ERG: variants seen among roughly 807,000 people sequenced by gnomAD.
ERG encodes the protein ETS transcription factor ERG.
A neutral mutation model predicts 55.3 loss-of-function variants in ERG; 9 were observed. The ratio of observed to expected loss-of-function variants is 0.16; its 90% CI spans 0.10 to 0.28. The LOEUF is 0.28. Among genes scored for constraint, ERG ranks in the 10% least tolerant of loss-of-function variants. ERG has a pLI of 1.00. For missense variants in ERG, 434 were observed against 631.6 expected (o/e 0.69, Z 3.35); for synonymous variants, 223 against 237.3 (o/e 0.94, Z 0.55).
chr21:38,410,916 T>C (rs528028796), intron 3 of ERG, among the ~76,000 whole-genome samples: 1 of 152,310 alleles, frequency 6.6e-6, no homozygotes, highest in South Asian at 2.1e-4. Context: ...CTCTTGGTTA[T>C]GAAAAAAACA....
intron 2 of ERG, among the ~76,000 whole-genome samples, chr21:38,549,941 C>T (rs898364833): frequency 2.0e-5 from 3 of 152,254 alleles, no homozygotes; most frequent in East Asian, 1.9e-4. Flanking sequence ...ATAGGTTACA[C>T]GGAAAAATTC....
intron 1 of ERG, among the ~76,000 whole-genome samples, chr21:38,660,842 T>A (rs1339038635): frequency 2.0e-5 from 3 of 149,934 alleles, no homozygotes; most frequent in African/African-American, 7.4e-5. Flanking sequence ...CGCGCGGGAG[T>A]CTTCGAGTGC....
At chr21:38,555,778 T>A (rs1323291936) in intron 2 of ERG, among the ~76,000 whole-genome samples, 1 of 152,226 alleles carries the variant, frequency 6.6e-6, no homozygotes, top group Non-Finnish European at 1.5e-5. Flanking sequence ...TTGCTATTTG[T>A]ACTGTCAAAT....
chr21:38,391,845 C>G (rs1404084551), intron 7 of ERG, 130 bp from the exon 8 acceptor site: 2 of 655,378 alleles, frequency 3.1e-6, no homozygotes, highest in Non-Finnish European at 4.9e-6. Flanking sequence ...AAGCATCTCA[C>G]GGTAAGGAAA....
chr21:38,576,288 G>A (rs2059994200), intron 1 of ERG, among the ~76,000 whole-genome samples: 1 of 152,108 alleles, frequency 6.6e-6, no homozygotes, highest in Admixed American at 6.5e-5. Context: ...TTCCAACCAC[G>A]ACTCTGAGAG....
At chr21:38,451,505 G>A (rs1270618605) in intron 1 of ERG, among the ~76,000 whole-genome samples, 1 of 152,190 alleles carries the variant, frequency 6.6e-6, no homozygotes, top group African/African-American at 2.4e-5. Context: ...TTATAAATAT[G>A]CTGGAGCCTA....
At chr21:38,403,400 G>A in intron 4 of ERG, 106 bp downstream of exon 4, 3 of 1,100,752 alleles carry the variant, frequency 2.7e-6, no homozygotes. Context: ...TGGGAACTGG[G>A]CGAGGGCAGG....
rs751884402 is a variant in ERG at position 38,445,568 on chromosome 21, T to A, written c.72A>T (p.Gly24=). The A allele has an allele frequency of 3.1e-6, 5 of 1,614,120 alleles. No individual in the cohort carries two copies. The East Asian group carries it at 8.9e-5, about 29-fold the overall frequency. Residue 24 remains glycine (G), a synonymous_variant, in exon 2 of 10, where the codon GGA becomes GGT. Transcript: ENST00000288319. ...EDQSLFECAY[G]TPHLAKTEMT... ...TCTCTGTCTTAGCCAGGTGTGGCGT[T>A]CCGTAGGCACACTCAAACAACGACT...
chr21:38,638,593 T>C (rs2060404794), intron 1 of ERG, among the ~76,000 whole-genome samples: 2 of 152,092 alleles, frequency 1.3e-5, no homozygotes, highest in African/African-American at 4.8e-5. Context: ...ATTTGGAAGA[T>C]GGAAAGCAAA....
chr21:38,509,840 T>C (rs1050508985), intron 2 of ERG, among the ~76,000 whole-genome samples: 1 of 152,106 alleles, frequency 6.6e-6, no homozygotes, highest in Non-Finnish European at 1.5e-5. Flanking sequence ...AGCTCTAGTG[T>C]TTAGAAGGTG....
chr21:38,552,846 G>GAA (rs56278724), intron 2 of ERG, among the ~76,000 whole-genome samples: 64,543 of 127,300 alleles, frequency 0.51, 17,029 homozygotes, highest in Non-Finnish European at 0.64. Flanking sequence ...TCAAGCAAGA[G>GAA]AAAAAAAAAA....
intron 2 of ERG, among the ~76,000 whole-genome samples, chr21:38,575,175 C>T (rs1165981213): frequency 6.6e-6 from 1 of 152,130 alleles, no homozygotes; most frequent in East Asian, 1.9e-4. Context: ...GTTCCAACAT[C>T]GGAAATCCAA....
chr21:38,397,453 C>T (rs1028143521), intron 6 of ERG, among the ~76,000 whole-genome samples: 5 of 151,960 alleles, frequency 3.3e-5, no homozygotes, highest in African/African-American at 1.2e-4. Flanking sequence ...CAAAAATTAG[C>T]TGGGCATGAT....
intron 1 of ERG, among the ~76,000 whole-genome samples, chr21:38,598,501 A>G (rs1019269198): frequency 3.3e-5 from 5 of 152,244 alleles, no homozygotes; most frequent in Non-Finnish European, 5.9e-5. Context: ...GCACTAATGT[A>G]TCACAAATGC....
chr21:38,599,173 G>C (rs2060149285), intron 1 of ERG, among the ~76,000 whole-genome samples: 1 of 152,120 alleles, frequency 6.6e-6, no homozygotes, highest in East Asian at 1.9e-4. Flanking sequence ...GCCATGGGGG[G>C]GCACACTGAG....
In ERG at chr21:38,387,404, G is replaced by A. The variant is rs114648070; in HGVS notation, c.920-3481C>T. 7.1e-3 allele frequency among the ~76,000 whole-genome samples: 1,086 copies of A among 152,322 alleles called. 6 individuals are homozygous for A. Among genetic ancestry groups the A allele is most frequent in the African/African-American group, 0.024 (1,016 of 41,578 alleles). On this transcript the variant is annotated intron_variant, in intron 9 of 9. Coordinates refer to ENST00000288319, the MANE Select transcript of ERG (RefSeq NM_182918.4). ...AGTGAGGCTCAGGCACCACTTACTG[G>A]AGGGGCAGGAAAGCATGGTGGTAGG...
intron 1 of ERG, among the ~76,000 whole-genome samples, chr21:38,647,206 G>A (rs578153483): frequency 3.3e-4 from 50 of 152,122 alleles, no homozygotes; most frequent in Non-Finnish European, 7.3e-5. Context: ...AAACAAGGAC[G>A]ACAACCAACA....
upstream of ERG, among the ~76,000 whole-genome samples, chr21:38,503,418 G>A (rs987128723): frequency 3.3e-5 from 5 of 150,360 alleles, no homozygotes; most frequent in Admixed American, 1.3e-4. Context: ...CAAGAGTTTC[G>A]TGGAGGCCAT....
intron 6 of ERG, chr21:38,395,410 A>G: frequency 4.5e-6 from 1 of 222,842 alleles, no homozygotes; most frequent in Non-Finnish European, 9.0e-6. Flanking sequence ...AGAGCATCAG[A>G]CTTCCAATAA....
Sources: allele counts gnomAD v4.1 joint callset (sites outside exome capture counted in the v4.1 genomes callset), GRCh38; gene constraint gnomAD v4.1.1; transcripts MANE v1.5; gene names NCBI Gene and HGNC (gene_info 2026-07-23, HGNC 2026-07-21).